Variants in FREM3 observed in about 807,000 individuals in gnomAD.
FREM3 encodes the protein FRAS1 related extracellular matrix 3.
FREM3 carries 105 observed loss-of-function variants against 129.1 expected under a neutral mutation model. That is an observed-to-expected ratio of 0.81 (90% confidence interval 0.69 to 0.96). The LOEUF (loss-of-function observed/expected upper bound fraction) is 0.96, where lower values mean the gene tolerates loss of function less well. FREM3 is among the 40% of genes least tolerant of loss of function. The probability of loss-of-function intolerance (pLI) is 0.00; values close to 1 mark genes in which losing one functional copy is unlikely to be tolerated. For missense variants in FREM3, 2,593 were observed against 2,666.3 expected (o/e 0.97, Z 0.61); for synonymous variants, 1,014 against 1,044.9 (o/e 0.97, Z 0.57).
intron 2 of FREM3, among the ~76,000 whole-genome samples, chr4:143,656,931 A>G (rs1450241): frequency 0.54 from 82,769 of 151,980 alleles, 23,512 homozygotes; most frequent in East Asian, 0.71. Context: ...AAAGCCCCAG[A>G]AGTGTCTGAT....
intron 2 of FREM3, among the ~76,000 whole-genome samples, chr4:143,651,066 A>G (rs1293268539): frequency 2.0e-5 from 3 of 152,174 alleles, no homozygotes; most frequent in Non-Finnish European, 4.4e-5. Context: ...TTTACTTACT[A>G]TTTAAATAGG....
At chr4:143,661,220 T>C (rs1289572725) in intron 2 of FREM3, among the ~76,000 whole-genome samples, 1 of 152,180 alleles carries the variant, frequency 6.6e-6, no homozygotes, top group African/African-American at 2.4e-5. Flanking sequence ...GGCTGTGGGT[T>C]TGTCATAGAT....
intron 6 of FREM3, among the ~76,000 whole-genome samples, chr4:143,610,138 A>C (rs1015447251): frequency 6.6e-6 from 1 of 152,170 alleles, no homozygotes; most frequent in African/African-American, 2.4e-5. Context: ...GATACTTGTA[A>C]AGATGTGTTT....
intron 2 of FREM3, among the ~76,000 whole-genome samples, chr4:143,688,111 A>G (rs1162886686): frequency 6.6e-6 from 1 of 152,008 alleles, no homozygotes; most frequent in African/African-American, 2.4e-5. Flanking sequence ...TACCTTGAAA[A>G]CCCTAAGGAC....
At chr4:143,647,783 G>A (rs946130255) in intron 2 of FREM3, among the ~76,000 whole-genome samples, 3 of 152,172 alleles carry the variant, frequency 2.0e-5, no homozygotes, top group Admixed American at 6.5e-5. Context: ...TGGATGTGAA[G>A]CCCTATGGAG....
intron 6 of FREM3, among the ~76,000 whole-genome samples, chr4:143,599,317 A>G (rs1461599593): frequency 1.3e-5 from 2 of 152,184 alleles, no homozygotes. Flanking sequence ...ATATTAGAGA[A>G]AGAGCACTGA....
In FREM3 at chr4:143,581,941, C is replaced by T. The variant is rs149373703; in HGVS notation, c.6178+3903G>A. 9.4e-3 allele frequency among the ~76,000 whole-genome samples: 1,438 copies of T among 152,300 alleles called. 13 individuals carry two copies. Among genetic ancestry groups the T allele is most frequent in the Middle Eastern group, 0.034 (10 of 294 alleles). On this transcript the variant is annotated intron_variant, in intron 7 of 7. Coordinates refer to ENST00000329798, the MANE Select transcript of FREM3 (RefSeq NM_001168235.2). Reference sequence around the variant, plus strand: ...CTGAGTGCTTTACTCACACCTCCAGCTCTTAGCTGCCCTAAGGAGAAGAGG... The same window carrying T: ...CTGAGTGCTTTACTCACACCTCCAGTTCTTAGCTGCCCTAAGGAGAAGAGG...
rs946083953 is a variant in FREM3 at position 143,695,927 on chromosome 4, G to T, written c.4749C>A (p.Gly1583=). ...GACGGCTACCATTGTACAAAATCTT[G>T]CCATGCATGGGGACCTGGGTGATGG... The part of the protein sequence containing the change: ...LFTITQVPMH[G]KILYNGSRPV... The change falls in exon 1 of 8, where the codon GGC becomes GGA. Residue 1583 remains glycine, a synonymous_variant. Transcript: ENST00000329798. The T allele has an allele frequency of 6.5e-7, 1 of 1,537,680 alleles. No homozygotes were observed. The highest frequency in any genetic ancestry group is 1.4e-5 in the African/African-American group (1 of 73,024).
intron 2 of FREM3, among the ~76,000 whole-genome samples, chr4:143,643,582 T>C (rs978342924): frequency 8.5e-5 from 13 of 152,056 alleles, no homozygotes; most frequent in East Asian, 3.9e-4. Context: ...TACTGCACAG[T>C]CTCACTTGTG....
intron 2 of FREM3, among the ~76,000 whole-genome samples, chr4:143,674,383 T>C (rs949931988): frequency 1.5e-4 from 23 of 152,232 alleles, no homozygotes; most frequent in African/African-American, 5.5e-4. Flanking sequence ...CAAGAGCTCC[T>C]GAAGGAAGCG....
At chr4:143,590,848 G>T (rs887196924) in intron 6 of FREM3, among the ~76,000 whole-genome samples, 4 of 152,100 alleles carry the variant, frequency 2.6e-5, no homozygotes, top group African/African-American at 9.7e-5. Context: ...GTAGAATTCG[G>T]CTGTGAATCC....
At chr4:143,674,580 A>G (rs1405870581) in intron 2 of FREM3, among the ~76,000 whole-genome samples, 1 of 152,246 alleles carries the variant, frequency 6.6e-6, no homozygotes, top group Non-Finnish European at 1.5e-5. Flanking sequence ...GGCTCCAATT[A>G]AAAGACACAG....
At position 143,697,413 on chromosome 4, in the gene FREM3, A is replaced by G. The variant is rs1342650512; in HGVS notation, c.3263T>C (p.Leu1088Ser). Residue 1088 changes from leucine to serine, a missense_variant, in exon 1 of 8, where the codon TTG becomes TCG. By Grantham distance (145) the Leu-to-Ser change is moderately radical. Around this residue, in one of 2 missense-constraint regions of FREM3, gnomAD observed 2,276 missense variants for 2,267.2 expected, o/e 1.00. Transcript: ENST00000329798. ...TTCAACATGGAGATGTTGTAAGGTC[A>G]AGGAGTTCTTCTCACCTTCATAGAC... Reference protein sequence around the residue: ...FIVYEGEKNSLTLQHLHVEDV... With the variant: ...FIVYEGEKNSSTLQHLHVEDV... 2 of 1,537,108 alleles carry G rather than the reference A, an allele frequency of 1.3e-6. No homozygotes were observed. The highest frequency in any genetic ancestry group is 2.7e-5 in the African/African-American group (2 of 73,022).
At chr4:143,663,045 A>T (rs1739769219) in intron 2 of FREM3, among the ~76,000 whole-genome samples, 1 of 152,060 alleles carries the variant, frequency 6.6e-6, no homozygotes. Flanking sequence ...CCGATTTGCC[A>T]CTCTGCGTCT....
At chr4:143,633,925 G>A (rs1739186494) in intron 2 of FREM3, among the ~76,000 whole-genome samples, 1 of 152,098 alleles carries the variant, frequency 6.6e-6, no homozygotes, top group Non-Finnish European at 1.5e-5. Flanking sequence ...ACAGTGGAAA[G>A]GGAAAAGATG....
intron 2 of FREM3, among the ~76,000 whole-genome samples, chr4:143,633,728 T>G (rs1739181924): frequency 6.6e-6 from 1 of 152,174 alleles, no homozygotes; most frequent in East Asian, 1.9e-4. Context: ...TTGGAATGCA[T>G]AAATCAATTA....
rs1738219790 is a variant in FREM3 at position 143,585,297 on chromosome 4, T to C, written c.6178+547A>G. On this transcript the variant is annotated intron_variant, in intron 7 of 7. Coordinates refer to ENST00000329798, the MANE Select transcript of FREM3 (RefSeq NM_001168235.2). This position sits in a 1 kb window ranked among gnomAD's most constrained non-coding sequence, Gnocchi z 4.2. ...TTTTCCTATTGGGTCCTGTTCTTTT[T>C]CTGATAAAGCACCTGACAGGTACTC... 6.6e-6 allele frequency among the ~76,000 whole-genome samples: 1 copy of C among 152,248 alleles called. No individual in the cohort carries two copies. Among genetic ancestry groups the C allele is most frequent in the Non-Finnish European group, 1.5e-5 (1 of 68,038 alleles).
chr4:143,678,697 C>G (rs895860587), intron 2 of FREM3, among the ~76,000 whole-genome samples: 5 of 151,650 alleles, frequency 3.3e-5, no homozygotes, highest in African/African-American at 1.2e-4. Flanking sequence ...CCACAGTCAG[C>G]CAAGATTAAA....
intron 6 of FREM3, among the ~76,000 whole-genome samples, chr4:143,603,009 C>T (rs571478124): frequency 6.6e-5 from 10 of 152,262 alleles, no homozygotes; most frequent in Non-Finnish European, 1.3e-4. Context: ...CAGTTTCCTG[C>T]TTATGAAGTG....
Sources: allele counts gnomAD v4.1 joint callset (sites outside exome capture counted in the v4.1 genomes callset), GRCh38; gene constraint gnomAD v4.1.1; regional missense constraint gnomAD v4.1.1; non-coding constraint Gnocchi (gnomAD v3.1); transcripts MANE v1.5; gene names NCBI Gene and HGNC (gene_info 2026-07-23, HGNC 2026-07-21).